VPS50: variants seen among roughly 807,000 people sequenced by gnomAD.
The protein encoded by VPS50 is VPS50 subunit of EARP/GARPII complex, also known as syndetin.
Under a neutral mutation model 139.7 loss-of-function variants are expected in VPS50, and 70 were observed. The ratio of observed to expected loss-of-function variants is 0.50; its 90% CI spans 0.41 to 0.61. The LOEUF (loss-of-function observed/expected upper bound fraction) is 0.61, where lower values mean the gene tolerates loss of function less well. Among genes scored for constraint, VPS50 ranks in the 20% least tolerant of loss-of-function variants. The pLI is 0.00. For synonymous variants in VPS50, 365 were observed against 376.7 expected, an observed-to-expected ratio of 0.97 and a Z score of 0.36; for missense variants, 921 against 1,133.7, an observed-to-expected ratio of 0.81 and a Z score of 2.69.
At chr7:93,301,187 C>T (rs904675202) in intron 16 of VPS50, among the ~76,000 whole-genome samples, 3 of 151,792 alleles carry the variant, frequency 2.0e-5, no homozygotes, top group African/African-American at 7.3e-5. Flanking sequence ...ATCCCAGCTA[C>T]TCAGGAGGCC....
intron 13 of VPS50, among the ~76,000 whole-genome samples, chr7:93,293,722 T>C (rs1482972774): frequency 1.3e-5 from 2 of 152,202 alleles, no homozygotes; most frequent in East Asian, 3.8e-4. Flanking sequence ...AAGGTAAAGC[T>C]CTAAAGCTAT....
chr7:93,348,797 T>G lies in VPS50; in HGVS notation c.2294T>G (p.Phe765Cys). ...GTCAAAAAGCCCTTTCTTCAGCAGTTCTATTCTCAGGTCAGACATGGTCTT... is the reference window on the plus strand; with the variant it reads ...GTCAAAAAGCCCTTTCTTCAGCAGTGCTATTCTCAGGTCAGACATGGTCTT... Reference protein sequence around the residue: ...PAVKKPFLQQFYSQTVSTASE... With the variant: ...PAVKKPFLQQCYSQTVSTASE... Residue 765 changes from phenylalanine (F) to cysteine (C), a missense_variant, in exon 24 of 28, where the codon TTC (phenylalanine) becomes TGC (cysteine). By Grantham distance (205) the Phe-to-Cys change is radical (BLOSUM62 -2). This residue lies in a region of VPS50 where 744 missense variants were observed against 930.6 expected (regional missense o/e 0.80). Transcript: ENST00000305866. The G allele has an allele frequency of 6.2e-7, 1 of 1,606,948 alleles. No individual in the cohort carries two copies. Among genetic ancestry groups the G allele is most frequent in the Non-Finnish European group, 8.5e-7 (1 of 1,173,582 alleles).
At chr7:93,332,725 A>G (rs1368158511) in intron 21 of VPS50, among the ~76,000 whole-genome samples, 1 of 152,208 alleles carries the variant, frequency 6.6e-6, no homozygotes. Context: ...ATGTTAATTG[A>G]CCGAATCAGT....
At chr7:93,315,619 T>G (rs1294135576) in intron 20 of VPS50, among the ~76,000 whole-genome samples, 1 of 152,194 alleles carries the variant, frequency 6.6e-6, no homozygotes, top group African/African-American at 2.4e-5. Flanking sequence ...TCTGATAGGT[T>G]AAACATGGCA....
chr7:93,335,304 G>A (rs970138795), intron 22 of VPS50, among the ~76,000 whole-genome samples: 43 of 152,256 alleles, frequency 2.8e-4, no homozygotes, highest in African/African-American at 1.0e-3. Context: ...TCAGGTGAGC[G>A]CTGTTTGGGC....
intron 26 of VPS50, among the ~76,000 whole-genome samples, chr7:93,354,861 A>C (rs1480432805): frequency 1.3e-5 from 2 of 152,136 alleles, no homozygotes; most frequent in African/African-American, 2.4e-5. Context: ...CTAGAATTGC[A>C]CATCAGTTGA....
At chr7:93,290,417 CTTTT>C (rs36096738) in intron 12 of VPS50, among the ~76,000 whole-genome samples, 1 of 138,282 alleles carries the variant, frequency 7.2e-6, no homozygotes, top group Non-Finnish European at 1.6e-5. Context: ...TAATGGGCAT[CTTTT>C]TTTTTTTTTT....
At chr7:93,297,292 A>G (rs1202941187) in intron 16 of VPS50, 49 bp downstream of exon 16, 5 of 1,448,354 alleles carry the variant, frequency 3.5e-6, no homozygotes, top group Non-Finnish European at 4.5e-6. Context: ...TAATGAGAAT[A>G]CTTTTGTCTA....
Position 93,252,781 on chromosome 7 carries a change from C to T in VPS50, c.225+6C>T. On this transcript the variant is annotated splice_donor_region_variant and intron_variant, in intron 3 of 27. Coordinates refer to ENST00000305866, the MANE Select transcript of VPS50 (RefSeq NM_017667.4). ...TTGTTAAATATGAGCTGGAGGTAAA[C>T]AGAATTTCATTAAAACATAACTAAG... 6.4e-7 allele frequency: 1 copy of T among 1,574,794 alleles called. No homozygotes were observed. The highest frequency in any genetic ancestry group is 8.6e-7 in the Non-Finnish European group (1 of 1,160,510).
chr7:93,235,259 AGATGAGGTTAG>A (rs1195134490), intron 1 of VPS50, among the ~76,000 whole-genome samples: 5 of 152,094 alleles, frequency 3.3e-5, no homozygotes, highest in East Asian at 1.9e-4. Flanking sequence ...GAGTAGTGGG[AGATGAGGTTAG>A]GATGAGGTTA....
intron 9 of VPS50, among the ~76,000 whole-genome samples, chr7:93,265,447 G>A (rs1423100994): frequency 2.0e-5 from 3 of 152,200 alleles, no homozygotes; most frequent in East Asian, 1.9e-4. Context: ...ACTGCCAGCT[G>A]GATTTGGCCT....
intron 22 of VPS50, among the ~76,000 whole-genome samples, chr7:93,339,183 A>T (rs1159776288): frequency 1.3e-5 from 2 of 151,458 alleles, no homozygotes; most frequent in African/African-American, 4.9e-5. Flanking sequence ...GAAATGAATG[A>T]TGGAGATACG....
In VPS50 at chr7:93,232,375, C is replaced by G; in HGVS notation, c.-93C>G. 9.4e-7 allele frequency: 1 copy of G among 1,067,868 alleles called. No homozygotes were observed. Among genetic ancestry groups the G allele is most frequent in the Admixed American group, 1.7e-5 (1 of 58,446 alleles). 66.1% of individuals were successfully genotyped at this position (1,067,868 alleles called of 1,614,324 possible). Reference sequence around the variant, plus strand: ...GGGTCGGCTCCTCCACGTGACCACCCACTATGGCTTCCTAGTGTCAGGGCC... The same window carrying G: ...GGGTCGGCTCCTCCACGTGACCACCGACTATGGCTTCCTAGTGTCAGGGCC... On this transcript the variant is annotated 5_prime_UTR_variant, in exon 1 of 28. Coordinates refer to ENST00000305866, the MANE Select transcript of VPS50 (RefSeq NM_017667.4).
At chr7:93,298,797 G>T (rs74462220) in intron 16 of VPS50, among the ~76,000 whole-genome samples, 2,302 of 152,234 alleles carry the variant, frequency 0.015, 73 homozygotes, top group African/African-American at 0.053. Flanking sequence ...AGAAACATTT[G>T]TGAAACTTAT....
At chr7:93,348,526 ATTAT>A (rs1798468088) in intron 23 of VPS50, among the ~76,000 whole-genome samples, 181 bp from the exon 24 acceptor site, 1 of 152,162 alleles carries the variant, frequency 6.6e-6, no homozygotes, top group Non-Finnish European at 1.5e-5. Context: ...TAAACTCAGC[ATTAT>A]TTATTGTGTA....
rs533219036 is a variant in VPS50, at chr7:93,341,484, G to C, written c.2116G>C (p.Val706Leu). 6.2e-7 allele frequency: 1 copy of C among 1,612,578 alleles called. No homozygotes were observed. Among genetic ancestry groups the C allele is most frequent in the Admixed American group, 1.7e-5 (1 of 59,912 alleles). Reference sequence around the variant, plus strand: ...AGCAGCAGAAGAAAGAAAGGAGAAGGTGCCAAGTCCACACCTCAGTCACCT... The same window carrying C: ...AGCAGCAGAAGAAAGAAAGGAGAAGCTGCCAAGTCCACACCTCAGTCACCT... ...LTAAEERKEK[V>L]PSPHLSHLVV... The change falls in exon 23 of 28, where the codon GTG (valine) becomes CTG (leucine). Residue 706 changes from valine (V) to leucine (L), a missense_variant. Val to Leu is a conservative substitution (Grantham distance 32). Coordinates refer to ENST00000305866, the MANE Select transcript of VPS50 (RefSeq NM_017667.4).
intron 10 of VPS50, among the ~76,000 whole-genome samples, chr7:93,271,682 T>G (rs1343930889): frequency 6.6e-6 from 1 of 151,780 alleles, no homozygotes; most frequent in Non-Finnish European, 1.5e-5. Flanking sequence ...GATACTCACA[T>G]AGTTCATCAA....
rs888198283 is a variant in VPS50 at position 93,321,656 on chromosome 7, T to C, written c.1856-1955T>C. ...TTTCAAGGTGGTGAGGAACAGCTATTTTTTTCTTCTGAATACACATTTAAA... is the reference window on the plus strand; with the variant it reads ...TTTCAAGGTGGTGAGGAACAGCTATCTTTTTCTTCTGAATACACATTTAAA... On this transcript the variant is annotated intron_variant, in intron 20 of 27. Transcript: ENST00000305866. Among the ~76,000 whole-genome samples, 4 of 152,310 alleles carry C rather than the reference T, an allele frequency of 2.6e-5. No individual in the cohort carries two copies. The South Asian group carries it at 8.3e-4, about 32-fold the overall frequency.
At chr7:93,322,919 A>ATATC (rs1797660309) in intron 20 of VPS50, among the ~76,000 whole-genome samples, 2 of 152,232 alleles carry the variant, frequency 1.3e-5, no homozygotes, top group Non-Finnish European at 1.5e-5. Context: ...TTCTGTGAGT[A>ATATC]TATCTGATTA....
Sources: gnomAD v4.1 joint callset for allele counts (sites outside exome capture counted in the v4.1 genomes callset) on GRCh38, gnomAD v4.1.1 for gene constraint, gnomAD v4.1.1 regional missense constraint, MANE v1.5 for transcripts, NCBI Gene and HGNC (gene_info 2026-07-23, HGNC 2026-07-21) for gene names.